Variants in TMEM74 observed in about 807,000 individuals in gnomAD.
TMEM74 encodes the protein transmembrane protein 74.
In TMEM74, 13 loss-of-function variants were observed where a neutral mutation model predicts 18.1. That is an observed-to-expected ratio of 0.72 (90% CI 0.47 to 1.14). The LOEUF (loss-of-function observed/expected upper bound fraction) is 1.14, where lower values mean the gene tolerates loss of function less well. Among genes scored for constraint, TMEM74 ranks in the 50% most tolerant of loss-of-function variants. TMEM74 has a pLI of 0.00. For synonymous variants in TMEM74, 159 were observed against 146.6 expected (o/e 1.08, Z -0.61); for missense variants, 372 against 375.9 (o/e 0.99, Z 0.09).
chr8:108,670,208 C>T (rs1416247535), intron 1 of TMEM74, among the ~76,000 whole-genome samples: 5 of 152,014 alleles, frequency 3.3e-5, no homozygotes, highest in South Asian at 2.1e-4. Flanking sequence ...TTCTTTATTT[C>T]ATAATAAAAA....
Position 108,780,514 on chromosome 8 carries a change from G to C in TMEM74, c.*3667C>G, listed in dbSNP as rs1467047924. Among the ~76,000 whole-genome samples the C allele has an allele frequency of 6.6e-6, 1 of 152,156 alleles. No individual in the cohort carries two copies. Among genetic ancestry groups the C allele is most frequent in the East Asian group, 1.9e-4 (1 of 5,194 alleles). On this transcript the variant is annotated 3_prime_UTR_variant, in exon 2 of 2. Transcript: ENST00000297459. ...AGATTAAGTCACCCCTTATACTGGG[G>C]GGACTGAGGTAAAGGCACACATAAG...
chr8:108,629,531 G>T (rs1189284551), intron 2 of TMEM74, among the ~76,000 whole-genome samples: 3 of 151,948 alleles, frequency 2.0e-5, no homozygotes, highest in Non-Finnish European at 4.4e-5. Context: ...ACACATAATT[G>T]TCAGATTCTC....
intron 1 of TMEM74, among the ~76,000 whole-genome samples, chr8:108,668,500 A>G (rs1477509122): frequency 2.0e-5 from 3 of 152,178 alleles, no homozygotes; most frequent in African/African-American, 7.2e-5. Context: ...CTCTGGTACT[A>G]CTACTACTAT....
intron 2 of TMEM74, chr8:108,652,227 A>G (rs1563740977): frequency 6.6e-6 from 1 of 152,454 alleles, no homozygotes; most frequent in African/African-American, 2.4e-5. Flanking sequence ...AATATTGGTT[A>G]AGTAAATTAT....
downstream of TMEM74, among the ~76,000 whole-genome samples, chr8:108,775,625 A>T (rs1814225333): frequency 6.6e-6 from 1 of 152,232 alleles, no homozygotes; most frequent in African/African-American, 2.4e-5. Flanking sequence ...GATTATAAAA[A>T]ACAGCTTTGA....
At chr8:108,772,589 C>A (rs1334905157) in intron 1 of TMEM74, among the ~76,000 whole-genome samples, 1 of 152,242 alleles carries the variant, frequency 6.6e-6, no homozygotes, top group East Asian at 1.9e-4. Context: ...GATAATGTGA[C>A]TAATCATCCA....
intron 2 of TMEM74, among the ~76,000 whole-genome samples, chr8:108,642,429 AATT>A (rs1009907835): frequency 2.0e-5 from 3 of 152,024 alleles, no homozygotes; most frequent in South Asian, 4.2e-4. Flanking sequence ...ATATGTGTTC[AATT>A]ATTTGTGTGA....
chr8:108,651,528 G>T (rs1487629404), intron 2 of TMEM74, among the ~76,000 whole-genome samples: 1 of 152,086 alleles, frequency 6.6e-6, no homozygotes, highest in African/African-American at 2.4e-5. Context: ...AGGAAAGATA[G>T]GAGGCTGGAA....
chr8:108,702,132 C>T (rs1455627741), intron 1 of TMEM74, among the ~76,000 whole-genome samples: 1 of 151,854 alleles, frequency 6.6e-6, no homozygotes, highest in African/African-American at 2.4e-5. Flanking sequence ...ATCATGAGGT[C>T]AGGAGTTTGA....
chr8:108,690,955 G>C (rs1490653805), intron 1 of TMEM74, among the ~76,000 whole-genome samples: 1 of 152,164 alleles, frequency 6.6e-6, no homozygotes, highest in Non-Finnish European at 1.5e-5. Flanking sequence ...GTTAATGAGA[G>C]GATAGAGAAC....
intron 3 of TMEM74, among the ~76,000 whole-genome samples, chr8:108,608,140 A>G (rs1482585735): frequency 2.6e-5 from 4 of 151,948 alleles, no homozygotes; most frequent in Non-Finnish European, 4.4e-5. Context: ...CATCGCTACT[A>G]AAAATACAAA....
At chr8:108,739,121 T>A (rs1216433954) in intron 1 of TMEM74, among the ~76,000 whole-genome samples, 1 of 152,204 alleles carries the variant, frequency 6.6e-6, no homozygotes, top group African/African-American at 2.4e-5. Flanking sequence ...TGCCCCCAAC[T>A]GCATATCTTT....
At chr8:108,677,183 T>A (rs1813063257) in intron 1 of TMEM74, among the ~76,000 whole-genome samples, 1 of 152,184 alleles carries the variant, frequency 6.6e-6, no homozygotes, top group Admixed American at 6.6e-5. Flanking sequence ...GGAGAGAATT[T>A]CTGGCATGGC....
chr8:108,675,856 T>G (rs1003454046), intron 1 of TMEM74, among the ~76,000 whole-genome samples: 2 of 152,182 alleles, frequency 1.3e-5, no homozygotes, highest in African/African-American at 2.4e-5. Flanking sequence ...TGCCACTTAT[T>G]TGGAAATAGG....
intron 1 of TMEM74, among the ~76,000 whole-genome samples, chr8:108,764,390 T>C (rs185704679): frequency 2.0e-3 from 311 of 152,282 alleles, no homozygotes; most frequent in Admixed American, 7.6e-3. Flanking sequence ...AAATGTGTCT[T>C]TCCTAGAGGG....
intron 1 of TMEM74, among the ~76,000 whole-genome samples, chr8:108,664,500 C>T (rs182182048): frequency 1.4e-4 from 22 of 151,978 alleles, no homozygotes; most frequent in East Asian, 3.9e-4. Flanking sequence ...CTCAAGACTT[C>T]GTTAAAGTTG....
rs114844724 is a variant in TMEM74, at chr8:108,647,177, G to A, written n.264+8116C>T. Reference sequence around the variant, plus strand: ...TTGCCTTCTGCCTTATGTATTAACAGCAATCAGGCAGCCTCTTAAGACCTT... The same window carrying A: ...TTGCCTTCTGCCTTATGTATTAACAACAATCAGGCAGCCTCTTAAGACCTT... On this transcript the variant is annotated intron_variant and non_coding_transcript_variant, in intron 2 of 3. Transcript: ENST00000518838. 6.5e-3 allele frequency among the ~76,000 whole-genome samples: 983 copies of A among 152,194 alleles called. 14 individuals carry two copies. The highest frequency in any genetic ancestry group is 0.021 in the African/African-American group (885 of 41,528).
chr8:108,767,315 G>T (rs1210366819), intron 1 of TMEM74, among the ~76,000 whole-genome samples: 2 of 152,086 alleles, frequency 1.3e-5, no homozygotes, highest in African/African-American at 4.8e-5. Context: ...AGCAAAACAT[G>T]TTCACTATCC....
chr8:108,741,783 A>G (rs1813803772), intron 1 of TMEM74, among the ~76,000 whole-genome samples: 1 of 152,210 alleles, frequency 6.6e-6, no homozygotes, highest in Non-Finnish European at 1.5e-5. Flanking sequence ...TCTGTGGAGC[A>G]GGAATTGGGA....
Sources: gnomAD v4.1 joint callset for allele counts (sites outside exome capture counted in the v4.1 genomes callset) on GRCh38, gnomAD v4.1.1 for gene constraint, MANE v1.5 for transcripts, NCBI Gene and HGNC (gene_info 2026-07-23, HGNC 2026-07-21) for gene names.